The following FAF2 variants were observed in gnomAD, a reference collection of about 807,000 sequenced individuals.
The protein encoded by FAF2 is FAS-associated factor 2.
A neutral mutation model predicts 62.3 loss-of-function variants in FAF2; 9 were observed. The observed-to-expected ratio is 0.14, with a 90% confidence interval of 0.09 to 0.25. The LOEUF (loss-of-function observed/expected upper bound fraction) is 0.25, where lower values mean the gene tolerates loss of function less well. FAF2 is among the 10% of genes least tolerant of loss of function. The pLI is 1.00. For synonymous variants in FAF2, 202 were observed against 198.0 expected (o/e 1.02, Z -0.17); for missense variants, 368 against 556.2 (o/e 0.66, Z 3.40).
intron 1 of FAF2, among the ~76,000 whole-genome samples, chr5:176,462,917 C>T (rs1758403481): frequency 6.6e-6 from 1 of 152,124 alleles, no homozygotes. Context: ...GTTTGCTTCG[C>T]TATAGTGTTT....
At chr5:176,451,833 T>TATATATACAC (rs1758181995) in intron 1 of FAF2, among the ~76,000 whole-genome samples, 7 of 42,554 alleles carry the variant, frequency 1.6e-4, no homozygotes, top group African/African-American at 5.2e-4. Context: ...TATATACATA[T>TATATATACAC]ATATATATAC....
At position 176,483,080 on chromosome 5, in the gene FAF2, G is replaced by A. The variant is rs199617464; in HGVS notation, c.133-3275G>A. ...ATTTATTTTATTTTTTTTGAGAGAT[G>A]GAGTCTTGGTTTGTTGCCCAGGCTG... is the stretch of plus-strand genomic sequence containing the variant. On this transcript the variant is annotated intron_variant, in intron 2 of 10. Transcript: ENST00000261942. Among the ~76,000 whole-genome samples the A allele has an allele frequency of 4.0e-5, 6 of 150,800 alleles. No homozygotes were observed. In the East Asian group the frequency reaches 1.2e-3, roughly 30 times the overall value.
Position 176,478,446 on chromosome 5 carries a change from T to A in FAF2, c.64-742T>A, listed in dbSNP as rs145147599. On this transcript the variant is annotated intron_variant, in intron 1 of 10. Transcript: ENST00000261942. ...GTGAGCAGTCATTGCGCTATTGCACTCCAAACTGGATGACAGAGCAAGACC... is the reference window on the plus strand; with the variant it reads ...GTGAGCAGTCATTGCGCTATTGCACACCAAACTGGATGACAGAGCAAGACC... 4.0e-3 allele frequency among the ~76,000 whole-genome samples: 601 copies of A among 151,850 alleles called. 1 individual carries two copies. The highest frequency in any genetic ancestry group is 6.9e-3 in the Non-Finnish European group (471 of 67,976).
At chr5:176,500,589 T>G (rs1755576044) in intron 10 of FAF2, among the ~76,000 whole-genome samples, 1 of 152,282 alleles carries the variant, frequency 6.6e-6, no homozygotes, top group South Asian at 2.1e-4. Flanking sequence ...ACTTGCAGTT[T>G]GGATGCAGTT....
rs183985677 is a variant in FAF2 at position 176,484,729 on chromosome 5, A to G, written c.133-1626A>G. Among the ~76,000 whole-genome samples the G allele has an allele frequency of 3.0e-3, 456 of 152,172 alleles. 1 individual carries two copies. The highest frequency in any genetic ancestry group is 5.2e-3 in the Non-Finnish European group (353 of 67,990). On this transcript the variant is annotated intron_variant, in intron 2 of 10. Coordinates refer to ENST00000261942, the MANE Select transcript of FAF2 (RefSeq NM_014613.3). ...AAGATGGTGAAACCCCGTCTCTACT[A>G]AAAATACAAAAATTAGCTGGGCACA...
chr5:176,464,924 A>G (rs185123100), intron 1 of FAF2, among the ~76,000 whole-genome samples: 1 of 152,110 alleles, frequency 6.6e-6, no homozygotes, highest in East Asian at 1.9e-4. Context: ...GTCTCGCTGT[A>G]TCGCCCCGGC....
At chr5:176,470,637 T>TCA (rs146754558) in intron 1 of FAF2, among the ~76,000 whole-genome samples, 4 of 152,024 alleles carry the variant, frequency 2.6e-5, no homozygotes, top group Admixed American at 1.3e-4. Flanking sequence ...AAAAACACAC[T>TCA]CACACACACA....
intron 1 of FAF2, among the ~76,000 whole-genome samples, chr5:176,462,921 A>T (rs1443180697): frequency 1.3e-5 from 2 of 152,196 alleles, no homozygotes; most frequent in South Asian, 2.1e-4. Context: ...GCTTCGCTAT[A>T]GTGTTTTTCA....
chr5:176,503,302 C>T (rs1249122992), intron 10 of FAF2, among the ~76,000 whole-genome samples: 1 of 151,816 alleles, frequency 6.6e-6, no homozygotes, highest in Non-Finnish European at 1.5e-5. Flanking sequence ...TGCCTGTAAT[C>T]CCAGCACTTT....
At chr5:176,500,195 G>A in intron 10 of FAF2, 49 bp downstream of exon 10, 1 of 1,581,452 alleles carries the variant, frequency 6.3e-7, no homozygotes, top group East Asian at 2.2e-5. Context: ...CTGGGCTATA[G>A]ATTTGGAGCT....
chr5:176,484,693 C>A lies in FAF2; in HGVS notation c.133-1662C>A, dbSNP rs867289984. 1.4e-4 allele frequency among the ~76,000 whole-genome samples: 22 copies of A among 152,124 alleles called. 1 individual carries two copies. In the Middle Eastern group the frequency reaches 0.01, roughly 71 times the overall value. ...AGATCATGAGGTGAGGAGTTCAAGA[C>A]CAGCCTGGCCAAGATGGTGAAACCC... On this transcript the variant is annotated intron_variant, in intron 2 of 10. Coordinates refer to ENST00000261942, the MANE Select transcript of FAF2 (RefSeq NM_014613.3).
chr5:176,490,316 A>C (rs1346582567), intron 4 of FAF2, among the ~76,000 whole-genome samples: 2 of 151,616 alleles, frequency 1.3e-5, no homozygotes, highest in Non-Finnish European at 1.5e-5. Context: ...GTCTCAAAAA[A>C]AAAAAAAAGA....
chr5:176,452,126 C>T (rs1035612498), intron 1 of FAF2, among the ~76,000 whole-genome samples: 1 of 150,986 alleles, frequency 6.6e-6, no homozygotes, highest in Non-Finnish European at 1.5e-5. Context: ...GGTGCGATCT[C>T]GGCTCACTGC....
chr5:176,493,249 G>A (rs1561826492), intron 5 of FAF2, among the ~76,000 whole-genome samples: 2 of 152,098 alleles, frequency 1.3e-5, no homozygotes, highest in South Asian at 4.1e-4. Context: ...CAGTCTCCTC[G>A]CTGGCTGTTC....
chr5:176,463,173 C>T (rs1758409757), intron 1 of FAF2, among the ~76,000 whole-genome samples: 3 of 151,992 alleles, frequency 2.0e-5, no homozygotes, highest in South Asian at 2.1e-4. Context: ...GCGGGTGGAT[C>T]ACCTGAGGTC....
In FAF2 at chr5:176,496,643, G is replaced by C; in HGVS notation, c.819G>C (p.Leu273=). The change falls in exon 8 of 11, where the codon CTG becomes CTC. Residue 273 remains leucine (L), a synonymous_variant. Coordinates refer to ENST00000261942, the MANE Select transcript of FAF2 (RefSeq NM_014613.3). ...TCATGGATGCTAACCAGACTTACCT[G>C]GTGTCAGAACGCCTAGAAAGGTACA... ...TFIMDANQTY[L]VSERLEREER... 6.3e-7 allele frequency: 1 copy of C among 1,595,036 alleles called. No individual in the cohort carries two copies. The highest frequency in any genetic ancestry group is 8.5e-7 in the Non-Finnish European group (1 of 1,171,422).
chr5:176,479,486 C>T (rs1269297993), intron 2 of FAF2, among the ~76,000 whole-genome samples: 3 of 152,074 alleles, frequency 2.0e-5, no homozygotes, highest in African/African-American at 7.2e-5. Flanking sequence ...TTGTTAGTAT[C>T]TTGTTGGGAA....
chr5:176,495,359 A>G (rs1759042120), intron 7 of FAF2, among the ~76,000 whole-genome samples: 1 of 152,186 alleles, frequency 6.6e-6, no homozygotes, highest in African/African-American at 2.4e-5. Context: ...CCATTCTAAT[A>G]TGGCTTTGCA....
intron 1 of FAF2, among the ~76,000 whole-genome samples, chr5:176,476,836 G>A (rs1231426363): frequency 3.7e-5 from 5 of 134,656 alleles, no homozygotes; most frequent in Non-Finnish European, 6.2e-5. Flanking sequence ...TTGAGATGGA[G>A]TCTTCCTCTG....
Sources: allele counts gnomAD v4.1 joint callset (sites outside exome capture counted in the v4.1 genomes callset), GRCh38; gene constraint gnomAD v4.1.1; transcripts MANE v1.5; gene names NCBI Gene and HGNC (gene_info 2026-07-23, HGNC 2026-07-21).